DNAJA4: variants seen among roughly 807,000 people sequenced by gnomAD.
DNAJA4 encodes DnaJ heat shock protein family (Hsp40) member A4.
DNAJA4 carries 32 observed loss-of-function variants against 39.7 expected under a neutral mutation model. The observed-to-expected ratio is 0.81, with a 90% CI of 0.61 to 1.08. The LOEUF (loss-of-function observed/expected upper bound fraction) is 1.08. Ranked by LOEUF, DNAJA4 falls within the 50% of genes least tolerant of loss-of-function variation. The pLI is 0.00. For missense variants in DNAJA4, 439 were observed against 505.1 expected, an observed-to-expected ratio of 0.87 and a Z score of 1.25; for synonymous variants, 184 against 182.4, an observed-to-expected ratio of 1.01 and a Z score of -0.07.
upstream of DNAJA4, chr15:78,264,451 G>C (rs949055317): frequency 2.3e-6 from 3 of 1,326,312 alleles, no homozygotes; most frequent in South Asian, 1.9e-5. Context: ...AACCCGCCGC[G>C]GGGCCGCCGG....
chr15:78,280,208 A>G, intron 6 of DNAJA4, 37 bp from the exon 7 acceptor site: 1 of 1,610,964 alleles, frequency 6.2e-7, no homozygotes. Context: ...GAAGGGGAAA[A>G]AACAGCCACC....
rs371207596 is a variant in DNAJA4, at chr15:78,273,085, C to T, written c.314-10C>T. The T allele has an allele frequency of 1.1e-5, 16 of 1,519,748 alleles. No individual in the cohort carries two copies. Among genetic ancestry groups the T allele is most frequent in the Admixed American group, 8.8e-5 (5 of 56,728 alleles). 94.1% of individuals were successfully genotyped at this position (1,519,748 alleles called of 1,614,324 possible). On this transcript the variant is annotated splice_polypyrimidine_tract_variant and intron_variant, in intron 2 of 6. Coordinates refer to ENST00000394852, the MANE Select transcript of DNAJA4 (RefSeq NM_001130182.2). ...TTCAACGCCACTAATTTTTTTTCTC[C>T]CTTGCTAAGGCAAGAATGTTGTACA...
Position 78,265,421 on chromosome 15 carries a change from C to T in DNAJA4, c.132+526C>T, listed in dbSNP as rs908649702. ...GACTAGCTGGATTTGTTCTGTGCACCTACTGCCTACCTGATAAAAGCGTCA... is the reference window on the plus strand; with the variant it reads ...GACTAGCTGGATTTGTTCTGTGCACTTACTGCCTACCTGATAAAAGCGTCA... On this transcript the variant is annotated intron_variant, in intron 1 of 6. Transcript: ENST00000394852. 1.4e-5 allele frequency: 10 copies of T among 698,740 alleles called. No individual in the cohort carries two copies. In the African/African-American group the frequency reaches 1.7e-4, roughly 12 times the overall value. The allele number at this position is 698,740 out of a possible 1,614,324, so 43.3% of individuals were successfully genotyped here. A position where few individuals can be genotyped will look rare whatever the true frequency, so the allele number is the denominator to read the frequency against.
At position 78,274,403 on chromosome 15, in the gene DNAJA4, A is replaced by T. The variant is rs2049387701; in HGVS notation, c.625A>T (p.Ile209Phe). 6.2e-7 allele frequency: 1 copy of T among 1,614,058 alleles called. No homozygotes were observed. Among genetic ancestry groups the T allele is most frequent in the Admixed American group, 1.7e-5 (1 of 60,006 alleles). Reference protein sequence around the residue: ...GAKVIREKKIIEVHVEKGMKD... With the variant: ...GAKVIREKKIFEVHVEKGMKD... The stretch of plus-strand genomic sequence containing the variant: ...CAAGGTGATCCGTGAGAAGAAGATT[A>T]TCGAGGTACATGTTGAAAAAGGTGA... The change falls in exon 4 of 7, where the codon ATC becomes TTC. Residue 209 changes from isoleucine (I) to phenylalanine (F), a missense_variant. By Grantham distance (21) the Ile-to-Phe change is conservative. Transcript: ENST00000394852.
chr15:78,264,608 G>A lies in DNAJA4; in HGVS notation c.-156G>A. Reference sequence around the variant, plus strand: ...GAAGTCGGTCCGGCGCGGGGCGGGGGGCGGGCGGGAGCTACAAGCGGCGGC... The same window carrying A: ...GAAGTCGGTCCGGCGCGGGGCGGGGAGCGGGCGGGAGCTACAAGCGGCGGC... On this transcript the variant is annotated 5_prime_UTR_variant, in exon 1 of 7. Transcript: ENST00000394852. The A allele has an allele frequency of 2.6e-6, 3 of 1,135,230 alleles. No individual in the cohort carries two copies. The highest frequency in any genetic ancestry group is 4.3e-5 in the South Asian group (1 of 23,286). The allele number at this position is 1,135,230 out of a possible 1,614,324, so 70.3% of individuals were successfully genotyped here.
At chr15:78,270,803 A>G (rs141776703) in intron 2 of DNAJA4, 126 bp downstream of exon 2, 15 of 1,076,918 alleles carry the variant, frequency 1.4e-5, no homozygotes, top group Middle Eastern at 6.1e-4. Context: ...CATGTCTGTA[A>G]TTTCAGCACT....
At chr15:78,270,119 C>T in intron 1 of DNAJA4, 1 of 162,408 alleles carries the variant, frequency 6.2e-6, no homozygotes, top group South Asian at 2.0e-4. Flanking sequence ...GGAGGTGAGC[C>T]AGTGGTAATG....
intron 1 of DNAJA4, among the ~76,000 whole-genome samples, chr15:78,267,332 C>G (rs2049168387): frequency 1.3e-5 from 2 of 152,138 alleles, no homozygotes; most frequent in African/African-American, 2.4e-5. Context: ...GTTCTTTACC[C>G]CTTGCTGGGA....
At chr15:78,278,006 C>G in intron 5 of DNAJA4, 1 of 455,342 alleles carries the variant, frequency 2.2e-6, no homozygotes, top group South Asian at 1.6e-5. Flanking sequence ...TCTTGTTTCT[C>G]CATTTTCTCT....
At chr15:78,266,081 A>G (rs2049115037) in intron 1 of DNAJA4, 3 of 653,924 alleles carry the variant, frequency 4.6e-6, no homozygotes, top group Admixed American at 3.0e-5. Context: ...TCTCATCTAT[A>G]TTTAGATGGC....
At chr15:78,271,650 ACTTTCT>A (rs1447502371) in intron 2 of DNAJA4, among the ~76,000 whole-genome samples, 2 of 151,570 alleles carry the variant, frequency 1.3e-5, no homozygotes, top group Admixed American at 1.3e-4. Flanking sequence ...CACTGTTTTG[ACTTTCT>A]CGGGATTTGT....
At chr15:78,272,227 C>T (rs547655256) in intron 2 of DNAJA4, among the ~76,000 whole-genome samples, 5 of 152,290 alleles carry the variant, frequency 3.3e-5, no homozygotes, top group African/African-American at 1.2e-4. Flanking sequence ...GTCCCAGCTA[C>T]TCGGGAGGCT....
chr15:78,265,091 G>T (rs1039881228), intron 1 of DNAJA4, among the ~76,000 whole-genome samples, 196 bp downstream of exon 1: 17 of 152,208 alleles, frequency 1.1e-4, no homozygotes, highest in Non-Finnish European at 1.5e-5. Context: ...CGCTTCGCCC[G>T]CGGAGGAGGC....
In DNAJA4 at chr15:78,279,989, C is replaced by T. The variant is rs991361257; in HGVS notation, c.878-56C>T. 9.1e-5 allele frequency: 141 copies of T among 1,548,136 alleles called. No homozygotes were observed. Among genetic ancestry groups the T allele is most frequent in the South Asian group, 1.1e-4 (10 of 87,996 alleles). ...CCGCAGGCTCTCCCATGAGGGAGAA[C>T]GACCTCTGCAGGCCCCTCTGCCTTC... On this transcript the variant is annotated intron_variant, in intron 5 of 6. Coordinates refer to ENST00000394852, the MANE Select transcript of DNAJA4 (RefSeq NM_001130182.2). This position sits in a 1 kb window ranked among gnomAD's most constrained non-coding sequence, Gnocchi z 4.5.
chr15:78,264,314 A>G (rs1390000647), upstream of DNAJA4: 7 of 1,397,316 alleles, frequency 5.0e-6, no homozygotes, highest in Non-Finnish European at 6.5e-6. Context: ...GGCCCCCGCC[A>G]TGGCCCGGGG....
rs766287706 is a variant in DNAJA4, at chr15:78,264,743, C to T, written c.-21C>T. ...CCGGGGCGCTCTGACCGGCCTCGCC[C>T]GCCCCCCCCGCAGACACAAGATGGT... On this transcript the variant is annotated 5_prime_UTR_variant, in exon 1 of 7. Coordinates refer to ENST00000394852, the MANE Select transcript of DNAJA4 (RefSeq NM_001130182.2). The T allele has an allele frequency of 5.0e-6, 7 of 1,397,056 alleles. No individual in the cohort carries two copies. The East Asian group carries it at 8.7e-5, about 17-fold the overall frequency. The allele number at this position is 1,397,056 out of a possible 1,614,324, so 86.5% of individuals were successfully genotyped here.
At chr15:78,273,007 C>A (rs907586277) in intron 2 of DNAJA4, 88 bp from the exon 3 acceptor site, 19 of 794,638 alleles carry the variant, frequency 2.4e-5, no homozygotes, top group Non-Finnish European at 3.9e-5. Context: ...TCTCTGGAGA[C>A]TTCATACAAC....
chr15:78,274,467 C>T (rs1567117901), intron 4 of DNAJA4, 43 bp downstream of exon 4: 1 of 1,569,072 alleles, frequency 6.4e-7, no homozygotes, highest in Non-Finnish European at 8.8e-7. Context: ...GCTGGAAATG[C>T]TGTCTGGGTG....
chr15:78,277,111 T>A (rs2049487592), intron 5 of DNAJA4, among the ~76,000 whole-genome samples: 1 of 152,356 alleles, frequency 6.6e-6, no homozygotes, highest in East Asian at 1.9e-4. Flanking sequence ...CCATATATGA[T>A]TTGTCTGATG....
Sources: gnomAD v4.1 joint callset for allele counts (sites outside exome capture counted in the v4.1 genomes callset) on GRCh38, gnomAD v4.1.1 for gene constraint, Gnocchi (gnomAD v3.1) non-coding constraint, MANE v1.5 for transcripts, NCBI Gene and HGNC (gene_info 2026-07-23, HGNC 2026-07-21) for gene names.